Variants in RBFOX1 observed in about 807,000 individuals in gnomAD.
The protein encoded by RBFOX1 is RNA binding fox-1 homolog 1, also known as RNA binding protein fox-1 homolog 1.
A neutral mutation model predicts 57.7 loss-of-function variants in RBFOX1; 8 were observed. That is an observed-to-expected ratio of 0.14 (90% CI 0.08 to 0.25). The LOEUF is 0.25. Ranked by LOEUF, RBFOX1 falls within the 10% of genes least tolerant of loss-of-function variation. The pLI, the probability that RBFOX1 is intolerant of heterozygous loss-of-function variation, is 1.00. For missense variants in RBFOX1, 611 were observed against 548.5 expected (o/e 1.11, Z -1.14); for synonymous variants, 326 against 222.4 (o/e 1.47, Z -4.15).
intron 4 of RBFOX1, among the ~76,000 whole-genome samples, chr16:7,442,294 C>T (rs1849157516): frequency 6.6e-6 from 1 of 152,188 alleles, no homozygotes; most frequent in African/African-American, 2.4e-5. Context: ...GGATTCCCTC[C>T]TCTGCCTTCT....
intron 3 of RBFOX1, among the ~76,000 whole-genome samples, chr16:5,728,264 A>G (rs1296857945): frequency 1.3e-5 from 2 of 152,114 alleles, no homozygotes; most frequent in Non-Finnish European, 2.9e-5. Flanking sequence ...ACATAGTGGA[A>G]TACTATTTAG....
chr16:6,399,188 G>A (rs1296781102), intron 2 of RBFOX1, among the ~76,000 whole-genome samples: 1 of 152,212 alleles, frequency 6.6e-6, no homozygotes, highest in Non-Finnish European at 1.5e-5. Context: ...ACCATGTCCC[G>A]AGGCAGCACA....
intron 1 of RBFOX1, among the ~76,000 whole-genome samples, chr16:6,022,641 C>A (rs981080879): frequency 6.6e-6 from 1 of 152,160 alleles, no homozygotes; most frequent in Non-Finnish European, 1.5e-5. Flanking sequence ...CGATATCACG[C>A]CACTGCACTC....
At chr16:6,501,116 T>C (rs2095904789) in intron 2 of RBFOX1, among the ~76,000 whole-genome samples, 1 of 148,524 alleles carries the variant, frequency 6.7e-6, no homozygotes, top group Admixed American at 6.7e-5. Flanking sequence ...CTCTTTGTCT[T>C]GCCAGTTAAA....
chr16:5,487,983 T>C (rs2042690610), intron 2 of RBFOX1, among the ~76,000 whole-genome samples: 1 of 152,044 alleles, frequency 6.6e-6, no homozygotes, highest in Non-Finnish European at 1.5e-5. Flanking sequence ...AAGACGATGA[T>C]GTAATCATGA....
chr16:6,095,748 A>C (rs534873799), intron 1 of RBFOX1, among the ~76,000 whole-genome samples: 47 of 152,270 alleles, frequency 3.1e-4, no homozygotes, highest in African/African-American at 1.1e-3. Flanking sequence ...CAGCAGAGAA[A>C]GTCCAAAACT....
At chr16:7,651,233 C>T (rs2064995228) in intron 11 of RBFOX1, among the ~76,000 whole-genome samples, 1 of 152,154 alleles carries the variant, frequency 6.6e-6, no homozygotes, top group African/African-American at 2.4e-5. Context: ...CACAGAATTC[C>T]AGATAATAGC....
chr16:5,970,083 G>A (rs1436116), intron 4 of RBFOX1, among the ~76,000 whole-genome samples: 10,231 of 152,096 alleles, frequency 0.067, 429 homozygotes, highest in African/African-American at 0.12. Flanking sequence ...TCTTGGTCAC[G>A]ATGGGTGTCT....
chr16:6,756,536 G>C (rs1413775346), intron 3 of RBFOX1, among the ~76,000 whole-genome samples: 5 of 152,144 alleles, frequency 3.3e-5, no homozygotes, highest in Non-Finnish European at 7.4e-5. Flanking sequence ...AGGATCTGTA[G>C]AATGGGAGCA....
At position 7,029,227 on chromosome 16, in the gene RBFOX1, TATATATAC is replaced by T. The variant is rs1477845445; in HGVS notation, c.-15-22829_-15-22822del. Among the ~76,000 whole-genome samples the T allele has an allele frequency of 1.6e-4, 16 of 102,078 alleles. 4 individuals are homozygous for T. Among genetic ancestry groups the T allele is most frequent in the African/African-American group, 6.2e-4 (15 of 24,146 alleles). The allele number at this position is 102,078 out of a possible 152,430, so 67.0% of individuals were successfully genotyped here. A position where few individuals can be genotyped will look rare whatever the true frequency, so the allele number is the denominator to read the frequency against. ...ACGTATACGTATATATATACACACA[TATATATAC>T]GTATACGTATATATATACACACATA... is the stretch of plus-strand genomic sequence containing the variant. On this transcript the variant is annotated intron_variant, in intron 3 of 15. Transcript: ENST00000550418.
rs528404449 is a variant in RBFOX1 at position 6,433,462 on chromosome 16, C to A, written c.-64+116405C>A. Among the ~76,000 whole-genome samples the A allele has an allele frequency of 3.2e-4, 48 of 152,292 alleles. No individual in the cohort carries two copies. In the South Asian group the frequency reaches 9.7e-3, roughly 31 times the overall value. On this transcript the variant is annotated intron_variant, in intron 2 of 15. Transcript: ENST00000550418. Reference sequence around the variant, plus strand: ...CTCAGACATGAATGCAAGTGTGGGGCCAGAGGCCAGCCTAGGAGTGAGATA... The same window carrying A: ...CTCAGACATGAATGCAAGTGTGGGGACAGAGGCCAGCCTAGGAGTGAGATA...
chr16:6,842,967 C>G (rs1307081634), intron 3 of RBFOX1, among the ~76,000 whole-genome samples: 1 of 152,034 alleles, frequency 6.6e-6, no homozygotes, highest in Admixed American at 6.6e-5. Context: ...CGATGGTTTC[C>G]AGGTTCATCC....
chr16:7,117,167 C>T (rs1222858751), intron 4 of RBFOX1, among the ~76,000 whole-genome samples: 1 of 152,044 alleles, frequency 6.6e-6, no homozygotes, highest in Non-Finnish European at 1.5e-5. Flanking sequence ...AATGGGAGGG[C>T]AGAGAGGTGG....
chr16:6,467,019 A>G lies in RBFOX1; in HGVS notation c.-64+149962A>G, dbSNP rs370184692. Reference sequence around the variant, plus strand: ...AATTACATTTAATGAAATATAATAAAGTTTATTTAATATATTAATTACGTG... The same window carrying G: ...AATTACATTTAATGAAATATAATAAGGTTTATTTAATATATTAATTACGTG... On this transcript the variant is annotated intron_variant, in intron 2 of 15. Coordinates refer to ENST00000550418, the MANE Select transcript of RBFOX1 (RefSeq NM_018723.4). Among the ~76,000 whole-genome samples the G allele has an allele frequency of 1.2e-4, 18 of 151,308 alleles. 1 individual carries two copies. The South Asian group carries it at 1.5e-3, about 12-fold the overall frequency.
intron 4 of RBFOX1, among the ~76,000 whole-genome samples, chr16:7,272,797 C>T (rs967652520): frequency 2.0e-5 from 3 of 152,152 alleles, no homozygotes; most frequent in African/African-American, 2.4e-5. Context: ...TTCACAGAAC[C>T]AGTGACTCTT....
intron 3 of RBFOX1, among the ~76,000 whole-genome samples, chr16:6,970,306 A>G (rs1007762600): frequency 6.6e-6 from 1 of 152,132 alleles, no homozygotes; most frequent in Non-Finnish European, 1.5e-5. Flanking sequence ...CACCTAGACT[A>G]TTTCTGTCCT....
chr16:7,226,423 A>G (rs2152886130), intron 4 of RBFOX1, among the ~76,000 whole-genome samples: 1 of 152,316 alleles, frequency 6.6e-6, no homozygotes, highest in Admixed American at 6.5e-5. Context: ...CTCAGTTAAA[A>G]GAGTTGGGTA....
chr16:6,628,526 A>G (rs1422531530), intron 2 of RBFOX1, among the ~76,000 whole-genome samples: 1 of 152,198 alleles, frequency 6.6e-6, no homozygotes, highest in Non-Finnish European at 1.5e-5. Context: ...TATCTCTTAT[A>G]TATCCATCAC....
intron 2 of RBFOX1, chr16:6,483,957 G>A: frequency 1.9e-6 from 2 of 1,044,962 alleles, no homozygotes; most frequent in Non-Finnish European, 2.3e-6. Context: ...CGGAGACTGT[G>A]CTCAGGGCTC....
Sources: allele counts gnomAD v4.1 joint callset (sites outside exome capture counted in the v4.1 genomes callset), GRCh38; gene constraint gnomAD v4.1.1; transcripts MANE v1.5; gene names NCBI Gene and HGNC (gene_info 2026-07-23, HGNC 2026-07-21).